AHCYL2: variants seen among roughly 807,000 people sequenced by gnomAD.
The protein encoded by AHCYL2 is S-adenosylhomocysteine hydrolase-like protein 2.
Under a neutral mutation model 81.4 loss-of-function variants are expected in AHCYL2, and 28 were observed. The ratio of observed to expected loss-of-function variants is 0.34; its 90% CI spans 0.25 to 0.47. The LOEUF is 0.47. Among genes scored for constraint, AHCYL2 ranks in the 20% least tolerant of loss-of-function variants. The pLI, the probability that AHCYL2 is intolerant of heterozygous loss-of-function variation, is 1.00. For missense variants in AHCYL2, 551 were observed against 785.1 expected, an observed-to-expected ratio of 0.70 and a Z score of 3.56; for synonymous variants, 272 against 290.2, an observed-to-expected ratio of 0.94 and a Z score of 0.64.
intron 1 of AHCYL2, among the ~76,000 whole-genome samples, chr7:129,326,723 A>G (rs1227435180): frequency 6.6e-6 from 1 of 152,064 alleles, no homozygotes; most frequent in Non-Finnish European, 1.5e-5. Flanking sequence ...AAATAATTAC[A>G]AGCAGAATGA....
chr7:129,299,290 A>AC (rs1797163757), intron 1 of AHCYL2, among the ~76,000 whole-genome samples: 2 of 149,730 alleles, frequency 1.3e-5, no homozygotes, highest in African/African-American at 2.4e-5. Context: ...CAAAAAAAAA[A>AC]AAACAAAAAA....
chr7:129,327,839 G>C (rs13236139), intron 1 of AHCYL2, among the ~76,000 whole-genome samples: 5 of 151,900 alleles, frequency 3.3e-5, no homozygotes, highest in Admixed American at 3.3e-4. Context: ...TGTCACCCAG[G>C]CTGTAGTGCA....
intron 1 of AHCYL2, among the ~76,000 whole-genome samples, chr7:129,365,277 G>A (rs939641428): frequency 1.3e-5 from 2 of 152,108 alleles, no homozygotes; most frequent in Non-Finnish European, 2.9e-5. Flanking sequence ...GAAGATAATG[G>A]AAGTGAAGGC....
intron 1 of AHCYL2, among the ~76,000 whole-genome samples, chr7:129,281,896 T>C (rs535603591): frequency 1.3e-5 from 2 of 152,366 alleles, no homozygotes; most frequent in South Asian, 4.1e-4. Context: ...TTAGTGCTGC[T>C]TTAGCAACAT....
At chr7:129,266,045 G>T (rs556872073) in intron 1 of AHCYL2, among the ~76,000 whole-genome samples, 1 of 152,306 alleles carries the variant, frequency 6.6e-6, no homozygotes, top group African/African-American at 2.4e-5. Context: ...TGTCCAAAAT[G>T]AGGATAATTG....
At chr7:129,279,649 C>T (rs1038472388) in intron 1 of AHCYL2, among the ~76,000 whole-genome samples, 35 of 152,142 alleles carry the variant, frequency 2.3e-4, no homozygotes, top group Non-Finnish European at 4.1e-4. Flanking sequence ...CAGAGCAGCC[C>T]TGAGTGCTGC....
At chr7:129,238,195 A>G (rs1425568781) in intron 1 of AHCYL2, among the ~76,000 whole-genome samples, 1 of 152,220 alleles carries the variant, frequency 6.6e-6, no homozygotes, top group Non-Finnish European at 1.5e-5. Context: ...TTCTTCTTCA[A>G]CAAAGCTTTA....
intron 1 of AHCYL2, among the ~76,000 whole-genome samples, chr7:129,255,102 A>G (rs1458146754): frequency 2.0e-5 from 3 of 152,108 alleles, no homozygotes. Flanking sequence ...CTCTACTAAA[A>G]ATACAAAAAT....
intron 1 of AHCYL2, among the ~76,000 whole-genome samples, chr7:129,315,947 G>T (rs183621423): frequency 7.2e-4 from 110 of 152,318 alleles, no homozygotes; most frequent in African/African-American, 2.5e-3. Context: ...TCTTGTTTCA[G>T]AGGCGGAAGA....
intron 1 of AHCYL2, among the ~76,000 whole-genome samples, chr7:129,360,568 T>A (rs891679932): frequency 6.6e-6 from 1 of 152,240 alleles, no homozygotes; most frequent in Non-Finnish European, 1.5e-5. Flanking sequence ...AATTATAGTA[T>A]CAATGCTGAC....
At chr7:129,241,631 G>T (rs1216195797) in intron 1 of AHCYL2, among the ~76,000 whole-genome samples, 1 of 151,980 alleles carries the variant, frequency 6.6e-6, no homozygotes, top group Admixed American at 6.6e-5. Context: ...TCAAATAGAT[G>T]GAAGAGTCAT....
Position 129,424,902 on chromosome 7 carries a change from C to G in AHCYL2, c.1589C>G (p.Thr530Arg). 6.2e-7 allele frequency: 1 copy of G among 1,613,486 alleles called. No homozygotes were observed. The highest frequency in any genetic ancestry group is 1.3e-5 in the African/African-American group (1 of 75,038). Residue 530 changes from threonine (T) to arginine (R), a missense_variant, in exon 14 of 17, where the codon ACA becomes AGA. By Grantham distance (71) the Thr-to-Arg change is moderately conservative (BLOSUM62 -1). This residue lies in a region of AHCYL2 where 316 missense variants were observed against 543.1 expected (regional missense o/e 0.58). Transcript: ENST00000325006. ...CGCCTGCTGAACCTTAGCTGCTCCA[C>G]AGTGCCTACATTTGTGCTCTCAATC... Reference protein sequence around the residue: ...EGRLLNLSCSTVPTFVLSITA... With the variant: ...EGRLLNLSCSRVPTFVLSITA...
At chr7:129,283,551 A>G (rs1413137895) in intron 1 of AHCYL2, 1 of 350,678 alleles carries the variant, frequency 2.9e-6, no homozygotes, top group Non-Finnish European at 5.7e-6. Context: ...TTTGCCAAAG[A>G]TGAGGTACTG....
chr7:129,233,579 C>T (rs1794527031), intron 1 of AHCYL2, among the ~76,000 whole-genome samples: 1 of 152,120 alleles, frequency 6.6e-6, no homozygotes, highest in Non-Finnish European at 1.5e-5. Context: ...CCTCCGCCTC[C>T]CGGGTTCAAG....
intron 1 of AHCYL2, among the ~76,000 whole-genome samples, chr7:129,267,982 G>T (rs1422458264): frequency 1.3e-5 from 2 of 152,172 alleles, no homozygotes; most frequent in African/African-American, 4.8e-5. Flanking sequence ...GAAAAAAGAG[G>T]ATGAGGGGAA....
intron 1 of AHCYL2, among the ~76,000 whole-genome samples, chr7:129,307,284 C>G (rs1797476522): frequency 6.6e-6 from 1 of 152,180 alleles, no homozygotes; most frequent in African/African-American, 2.4e-5. Flanking sequence ...ACTTGGTGCC[C>G]TATTCCATTG....
chr7:129,396,421 C>T (rs558136900), intron 4 of AHCYL2, among the ~76,000 whole-genome samples: 6 of 150,632 alleles, frequency 4.0e-5, no homozygotes, highest in Non-Finnish European at 7.4e-5. Flanking sequence ...CACCGCGCCC[C>T]GCCATTTGTT....
intron 6 of AHCYL2, among the ~76,000 whole-genome samples, chr7:129,402,573 G>C (rs1342866581): frequency 6.6e-6 from 1 of 152,170 alleles, no homozygotes; most frequent in Non-Finnish European, 1.5e-5. Context: ...TCACAGCCTC[G>C]TGCCTAACAA....
chr7:129,336,059 CTCTTT>C (rs1213264142), intron 1 of AHCYL2, among the ~76,000 whole-genome samples: 1 of 137,282 alleles, frequency 7.3e-6, no homozygotes, highest in African/African-American at 2.7e-5. Context: ...CTTTTCTCTT[CTCTTT>C]TCTTTCCTTT....
Sources: gnomAD v4.1 joint callset for allele counts (sites outside exome capture counted in the v4.1 genomes callset) on GRCh38, gnomAD v4.1.1 for gene constraint, gnomAD v4.1.1 regional missense constraint, MANE v1.5 for transcripts, NCBI Gene and HGNC (gene_info 2026-07-23, HGNC 2026-07-21) for gene names.